The following PRTG variants were observed in gnomAD, a reference collection of about 807,000 sequenced individuals.
The protein encoded by PRTG is immunoglobulin superfamily, DCC subclass, member 5.
A neutral mutation model predicts 122.5 loss-of-function variants in PRTG; 67 were observed. The ratio of observed to expected loss-of-function variants is 0.55; its 90% CI spans 0.45 to 0.67. PRTG has a LOEUF of 0.67. Ranked by LOEUF, PRTG falls within the 30% of genes least tolerant of loss-of-function variation. The pLI, the probability that PRTG is intolerant of heterozygous loss-of-function variation, is 0.00. For synonymous variants in PRTG, 554 were observed against 501.1 expected (o/e 1.11, Z -1.41); for missense variants, 1,435 against 1,415.4 (o/e 1.01, Z -0.22).
intron 2 of PRTG, among the ~76,000 whole-genome samples, chr15:55,732,876 T>C (rs928365092): frequency 6.6e-6 from 1 of 152,172 alleles, no homozygotes; most frequent in African/African-American, 2.4e-5. Flanking sequence ...ATTTAGGTAG[T>C]AGGCCAAACA....
At chr15:55,703,869 T>C (rs1216623327) in intron 2 of PRTG, among the ~76,000 whole-genome samples, 1 of 152,218 alleles carries the variant, frequency 6.6e-6, no homozygotes, top group Non-Finnish European at 1.5e-5. Flanking sequence ...CATCCCCAAC[T>C]GGGACTTTCT....
chr15:55,611,807 T>A lies in PRTG; in HGVS notation c.*8205A>T, dbSNP rs944262266. On this transcript the variant is annotated 3_prime_UTR_variant, in exon 20 of 20. Coordinates refer to ENST00000389286, the MANE Select transcript of PRTG (RefSeq NM_173814.6). Reference sequence around the variant, plus strand: ...ATACATTCAAAATCAAGGCAAACATTTGCTTTCTTCGTGCAATGGCATTCA... The same window carrying A: ...ATACATTCAAAATCAAGGCAAACATATGCTTTCTTCGTGCAATGGCATTCA... 6.6e-6 allele frequency: 1 copy of A among 151,974 alleles called. No homozygotes were observed. Among genetic ancestry groups the A allele is most frequent in the African/African-American group, 2.4e-5 (1 of 41,404 alleles). 9.4% of individuals were successfully genotyped at this position (151,974 alleles called of 1,614,324 possible).
chr15:55,694,689 G>A (rs2059622546), intron 2 of PRTG, among the ~76,000 whole-genome samples: 1 of 152,126 alleles, frequency 6.6e-6, no homozygotes, highest in Admixed American at 6.6e-5. Flanking sequence ...AAATGACTAT[G>A]TCTTTCACAA....
chr15:55,671,676 T>C (rs1427067300), intron 11 of PRTG, among the ~76,000 whole-genome samples: 1 of 152,060 alleles, frequency 6.6e-6, no homozygotes, highest in Non-Finnish European at 1.5e-5. Flanking sequence ...TTTTTGTATT[T>C]TTTTAGTAGA....
intron 2 of PRTG, among the ~76,000 whole-genome samples, chr15:55,724,676 T>C (rs1239279263): frequency 6.6e-6 from 1 of 152,056 alleles, no homozygotes; most frequent in African/African-American, 2.4e-5. Context: ...GAGAATCACT[T>C]GAACCCAGAA....
intron 11 of PRTG, among the ~76,000 whole-genome samples, chr15:55,667,978 T>G (rs2059448208): frequency 6.6e-6 from 1 of 152,102 alleles, no homozygotes; most frequent in African/African-American, 2.4e-5. Flanking sequence ...TCCCAGCCAC[T>G]CAGGACCCAG....
intron 2 of PRTG, among the ~76,000 whole-genome samples, chr15:55,701,997 T>A (rs1461096471): frequency 6.6e-6 from 1 of 152,158 alleles, no homozygotes; most frequent in Non-Finnish European, 1.5e-5. Context: ...CTATTCTGTA[T>A]CCTGATTGTA....
chr15:55,688,530 C>T (rs1159685971), intron 2 of PRTG, among the ~76,000 whole-genome samples: 1 of 152,150 alleles, frequency 6.6e-6, no homozygotes, highest in Non-Finnish European at 1.5e-5. Context: ...GACATCTTCG[C>T]CTGGAGTTTA....
At chr15:55,705,943 G>T (rs2030090730) in intron 2 of PRTG, among the ~76,000 whole-genome samples, 1 of 147,684 alleles carries the variant, frequency 6.8e-6, no homozygotes, top group Non-Finnish European at 1.5e-5. Flanking sequence ...CACCTCCTGG[G>T]TTCAAGCGAT....
intron 8 of PRTG, among the ~76,000 whole-genome samples, chr15:55,677,466 A>T (rs2059509108): frequency 6.6e-6 from 1 of 152,198 alleles, no homozygotes; most frequent in African/African-American, 2.4e-5. Flanking sequence ...ATAAGTTGGT[A>T]TATTAAGTCT....
At chr15:55,741,387 T>G (rs1774985787) in intron 1 of PRTG, among the ~76,000 whole-genome samples, 4 of 152,202 alleles carry the variant, frequency 2.6e-5, no homozygotes, top group Admixed American at 2.6e-4. Flanking sequence ...TTTCTAGAAC[T>G]ACCAACTGTT....
At chr15:55,683,733 T>C (rs1014432457) in intron 3 of PRTG, 54 bp downstream of exon 3, 5 of 1,467,108 alleles carry the variant, frequency 3.4e-6, no homozygotes, top group Non-Finnish European at 4.7e-6. Context: ...TATAATCTCA[T>C]ATGAAGTCTT....
intron 11 of PRTG, among the ~76,000 whole-genome samples, chr15:55,666,434 T>A (rs765276881): frequency 6.6e-6 from 1 of 152,178 alleles, no homozygotes; most frequent in Non-Finnish European, 1.5e-5. Context: ...AAAACACCCA[T>A]AAAGCCTAAA....
chr15:55,654,515 A>T lies in PRTG; in HGVS notation c.2042-13307T>A, dbSNP rs995678165. On this transcript the variant is annotated intron_variant, in intron 11 of 19. Transcript: ENST00000389286. ...GTATAAAATTTACAAAGGAAGTTTA[A>T]AGTTGTTACATCAGAAAACGAAATA... Among the ~76,000 whole-genome samples the T allele has an allele frequency of 3.3e-5, 5 of 152,350 alleles. No homozygotes were observed. In the South Asian group the frequency reaches 6.2e-4, roughly 19 times the overall value.
At chr15:55,671,664 A>C (rs2059472575) in intron 11 of PRTG, among the ~76,000 whole-genome samples, 1 of 151,960 alleles carries the variant, frequency 6.6e-6, no homozygotes, top group African/African-American at 2.4e-5. Context: ...AGGCTCAGCT[A>C]ATTTTTGTAT....
intron 18 of PRTG, among the ~76,000 whole-genome samples, chr15:55,623,634 G>A (rs1595599667): frequency 6.6e-6 from 1 of 152,312 alleles, no homozygotes; most frequent in African/African-American, 2.4e-5. Context: ...AGGCTAGCCT[G>A]GGTGGGACTG....
At chr15:55,685,956 CT>C (rs1180063501) in intron 2 of PRTG, among the ~76,000 whole-genome samples, 2 of 152,096 alleles carry the variant, frequency 1.3e-5, no homozygotes, top group African/African-American at 4.8e-5. Flanking sequence ...CTTTTCATTG[CT>C]TCTGTACACT....
chr15:55,630,357 A>T (rs1460342502), intron 15 of PRTG, among the ~76,000 whole-genome samples: 2 of 151,712 alleles, frequency 1.3e-5, no homozygotes, highest in Non-Finnish European at 2.9e-5. Flanking sequence ...TCCTGACCTC[A>T]AGTAATCTGC....
At chr15:55,623,036 GTAAATTA>G (rs1381394315) in intron 18 of PRTG, among the ~76,000 whole-genome samples, 1 of 152,070 alleles carries the variant, frequency 6.6e-6, no homozygotes, top group African/African-American at 2.4e-5. Flanking sequence ...CTAGATACAA[GTAAATTA>G]CATCTGTTGA....
Sources: gnomAD v4.1 joint callset for allele counts (sites outside exome capture counted in the v4.1 genomes callset) on GRCh38, gnomAD v4.1.1 for gene constraint, MANE v1.5 for transcripts, NCBI Gene and HGNC (gene_info 2026-07-23, HGNC 2026-07-21) for gene names.